UGGT2: variants seen among roughly 807,000 people sequenced by gnomAD.
UGGT2 encodes UDP-glucose glycoprotein glucosyltransferase 2.
In UGGT2, 180 loss-of-function variants were observed where a neutral mutation model predicts 192.1. The ratio of observed to expected loss-of-function variants is 0.94; its 90% CI spans 0.83 to 1.06. The LOEUF is 1.06. Ranked by LOEUF, UGGT2 falls within the 50% of genes least tolerant of loss-of-function variation. The pLI is 0.00. For missense variants in UGGT2, 1,849 were observed against 1,795.7 expected (o/e 1.03, Z -0.54); for synonymous variants, 580 against 591.0 (o/e 0.98, Z 0.27).
At chr13:95,983,486 A>C in intron 10 of UGGT2, 2 of 440,130 alleles carry the variant, frequency 4.5e-6, no homozygotes, top group Non-Finnish European at 8.9e-6. Context: ...CTCAGTCTTC[A>C]CAAGCTTTTA....
intron 12 of UGGT2, among the ~76,000 whole-genome samples, chr13:95,966,873 T>A (rs543308912): frequency 2.0e-5 from 3 of 152,342 alleles, no homozygotes; most frequent in East Asian, 3.9e-4. Context: ...CCCATATTTT[T>A]ACATGACATA....
intron 25 of UGGT2, among the ~76,000 whole-genome samples, chr13:95,889,053 G>C (rs1398991524): frequency 6.6e-6 from 1 of 151,922 alleles, no homozygotes; most frequent in Non-Finnish European, 1.5e-5. Flanking sequence ...TTTCTCAAGT[G>C]ATCTTCCTGC....
At chr13:95,846,685 A>G (rs1221514394) in intron 36 of UGGT2, among the ~76,000 whole-genome samples, 1 of 152,182 alleles carries the variant, frequency 6.6e-6, no homozygotes, top group Admixed American at 6.5e-5. Context: ...AGAATTCACT[A>G]CTGAAGCTAT....
At position 95,859,652 on chromosome 13, in the gene UGGT2, C is replaced by A. The variant is rs367978080; in HGVS notation, c.3764G>T (p.Arg1255Leu). 1 of 1,608,888 alleles carries A rather than the reference C, an allele frequency of 6.2e-7. No individual in the cohort carries two copies. Among genetic ancestry groups the A allele is most frequent in the Non-Finnish European group, 8.5e-7 (1 of 1,177,338 alleles). Residue 1255 changes from arginine (R) to leucine (L), a missense_variant, in exon 33 of 39, where the codon CGT becomes CTT. Coordinates refer to ENST00000376747, the MANE Select transcript of UGGT2 (RefSeq NM_020121.4). ...GAATTTCACTGGTGTTTTGGTGTTA[C>A]GCAAAACAGAAAGCATCATAATTCT... The part of the protein sequence containing the change: ...FLRIMMLSVL[R>L]NTKTPVKFWL...
At chr13:95,921,838 T>C (rs981200863) in intron 20 of UGGT2, among the ~76,000 whole-genome samples, 3 of 152,176 alleles carry the variant, frequency 2.0e-5, no homozygotes, top group South Asian at 2.1e-4. Context: ...GGAATGAAAA[T>C]TACTTCAGCC....
chr13:95,935,849 C>G (rs2049444505), intron 17 of UGGT2, among the ~76,000 whole-genome samples: 1 of 152,136 alleles, frequency 6.6e-6, no homozygotes, highest in Admixed American at 6.5e-5. Flanking sequence ...TCTTTTCAGA[C>G]AGGGTCTCGC....
intron 12 of UGGT2, among the ~76,000 whole-genome samples, chr13:95,963,419 G>A (rs2050466417): frequency 6.6e-6 from 1 of 152,072 alleles, no homozygotes; most frequent in African/African-American, 2.4e-5. Flanking sequence ...ATAAAGGCCA[G>A]AAATGACAAA....
At chr13:96,045,149 T>C (rs2053270934) in intron 1 of UGGT2, among the ~76,000 whole-genome samples, 1 of 152,206 alleles carries the variant, frequency 6.6e-6, no homozygotes, top group South Asian at 2.1e-4. Context: ...TCCACCATTA[T>C]GAAGTGGGTT....
intron 1 of UGGT2, among the ~76,000 whole-genome samples, chr13:96,045,294 GA>G (rs1178344629): frequency 6.6e-6 from 1 of 152,128 alleles, no homozygotes; most frequent in Non-Finnish European, 1.5e-5. Flanking sequence ...ACCCCTTTAT[GA>G]TTAAAACTCT....
intron 27 of UGGT2, 71 bp downstream of exon 27, chr13:95,884,420 C>T (rs1027273888): frequency 7.9e-7 from 1 of 1,268,190 alleles, no homozygotes; most frequent in Non-Finnish European, 1.1e-6. Flanking sequence ...TGCTCACTTG[C>T]TACAATTGTA....
intron 10 of UGGT2, among the ~76,000 whole-genome samples, chr13:95,978,873 G>A (rs371451129): frequency 1.3e-5 from 2 of 152,134 alleles, no homozygotes; most frequent in Non-Finnish European, 2.9e-5. Context: ...TTCTAATATA[G>A]GTAATGTCTC....
rs12876018 is a variant in UGGT2 at position 95,887,950 on chromosome 13, T to C, written c.2980A>G (p.Met994Val). Residue 994 changes from methionine to valine, a missense_variant, in exon 26 of 39, where the codon ATG becomes GTG. Physicochemically the swap from Met to Val is conservative, Grantham distance 21 (BLOSUM62 1). Transcript: ENST00000376747. ...LLVVLGKIINMKIKLFMNCRG... is the reference protein window; with the variant it reads ...LLVVLGKIINVKIKLFMNCRG... ...CAGTTCATGAACAACTTTATCTTCA[T>C]GTTGATAATCTTGCCAAGTACCTAT... 15 of 1,601,232 alleles carry C rather than the reference T, an allele frequency of 9.4e-6. No homozygotes were observed. In the South Asian group the frequency reaches 1.7e-4, roughly 18 times the overall value.
chr13:95,969,985 C>T, intron 12 of UGGT2, 127 bp downstream of exon 12: 2 of 974,650 alleles, frequency 2.1e-6, no homozygotes, highest in Non-Finnish European at 3.0e-6. Context: ...TATAGTTTGA[C>T]TTTCTCTTTT....
At chr13:95,879,972 G>A (rs765154610) in intron 27 of UGGT2, among the ~76,000 whole-genome samples, 22 of 151,982 alleles carry the variant, frequency 1.4e-4, no homozygotes, top group Admixed American at 1.2e-3. Context: ...CACACATGCC[G>A]TGGTGGTTTG....
At chr13:95,826,056 G>C (rs189052519) in intron 38 of UGGT2, among the ~76,000 whole-genome samples, 84 of 152,024 alleles carry the variant, frequency 5.5e-4, no homozygotes, top group African/African-American at 2.0e-3. Flanking sequence ...TATAGTTATA[G>C]ATTATAATTT....
At chr13:95,891,943 T>TTA (rs2047813609) in intron 24 of UGGT2, among the ~76,000 whole-genome samples, 1 of 152,136 alleles carries the variant, frequency 6.6e-6, no homozygotes, top group African/African-American at 2.4e-5. Flanking sequence ...GACGATTTAA[T>TTA]TATCTTAAAA....
In UGGT2 at chr13:95,939,899, T is replaced by C. The variant is rs1464466987; in HGVS notation, c.1812+58A>G. On this transcript the variant is annotated intron_variant, in intron 16 of 38. Coordinates refer to ENST00000376747, the MANE Select transcript of UGGT2 (RefSeq NM_020121.4). ...AAAGATTCTACATGAGTAGAGATCATGTGGTGTTTGTCTTTCTGTGCCTGG... is the reference window on the plus strand; with the variant it reads ...AAAGATTCTACATGAGTAGAGATCACGTGGTGTTTGTCTTTCTGTGCCTGG... The C allele has an allele frequency of 9.0e-6, 12 of 1,339,020 alleles. No homozygotes were observed. The South Asian group carries it at 9.4e-5, about 10-fold the overall frequency. The allele number at this position is 1,339,020 out of a possible 1,614,324, so 82.9% of individuals were successfully genotyped here.
intron 18 of UGGT2, 23 bp from the exon 19 acceptor site, chr13:95,927,149 T>A: frequency 6.2e-7 from 1 of 1,605,490 alleles, no homozygotes; most frequent in South Asian, 1.1e-5. Flanking sequence ...AAATTAAACG[T>A]TAAATATAAA....
intron 12 of UGGT2, among the ~76,000 whole-genome samples, chr13:95,955,380 A>C (rs1349347727): frequency 6.6e-6 from 1 of 152,194 alleles, no homozygotes; most frequent in African/African-American, 2.4e-5. Context: ...AAATGAAACA[A>C]AACAGAAACC....
Sources: allele counts gnomAD v4.1 joint callset (sites outside exome capture counted in the v4.1 genomes callset), GRCh38; gene constraint gnomAD v4.1.1; transcripts MANE v1.5; gene names NCBI Gene and HGNC (gene_info 2026-07-23, HGNC 2026-07-21).